The following ALLC variants were observed in gnomAD, a reference collection of about 807,000 sequenced individuals.
The protein encoded by ALLC is probable inactive allantoicase.
ALLC carries 40 observed loss-of-function variants against 45.0 expected under a neutral mutation model. That is an observed-to-expected ratio of 0.89 (90% confidence interval 0.69 to 1.16). The LOEUF (loss-of-function observed/expected upper bound fraction) is 1.16, where lower values mean the gene tolerates loss of function less well. Among genes scored for constraint, ALLC ranks in the 50% most tolerant of loss-of-function variants. The probability of loss-of-function intolerance (pLI) is 0.00; values close to 1 mark genes in which losing one functional copy is unlikely to be tolerated. For synonymous variants in ALLC, 176 were observed against 178.1 expected, an observed-to-expected ratio of 0.99 and a Z score of 0.09; for missense variants, 488 against 493.1, an observed-to-expected ratio of 0.99 and a Z score of 0.10.
chr2:3,683,006 C>CG lies in ALLC; in HGVS notation c.443_444insG (p.Gly149ArgfsTer30), dbSNP rs1667237270. The CG allele has an allele frequency of 6.2e-7, 1 of 1,613,878 alleles. No homozygotes were observed. Among genetic ancestry groups the CG allele is most frequent in the African/African-American group, 1.3e-5 (1 of 74,930 alleles). Reference sequence around the variant, plus strand: ...GAGCTTAAGCCAGGAAACCCTGCTTCCGGCCACAACTATTTTCTTGTCAAT... The same window carrying CG: ...GAGCTTAAGCCAGGAAACCCTGCTTCGCGGCCACAACTATTTTCTTGTCAAT... On this transcript the variant is annotated frameshift_variant, in exon 7 of 12. Coordinates refer to ENST00000252505, the MANE Select transcript of ALLC (RefSeq NM_018436.4). LOFTEE classifies it high-confidence loss of function.
chr2:3,649,508 T>C, the ALLC span, among the ~76,000 whole-genome samples: 1 of 152,258 alleles, frequency 6.6e-6, no homozygotes, highest in Non-Finnish European at 1.5e-5. Context: ...CCCAAAGTGC[T>C]GGGATTACAG....
chr2:3,701,625 C>G lies in ALLC; in HGVS notation c.964C>G (p.Pro322Ala). Residue 322 changes from proline to alanine, a missense_variant, in exon 11 of 12, where the codon CCA becomes GCA. Coordinates refer to ENST00000252505, the MANE Select transcript of ALLC (RefSeq NM_018436.4). ...GGCCCACAAGTGGAAACCACTGCTT[C>G]CAGTGACCAAGGTTCGTGTGGCATG... ...LPAHKWKPLLPVTKLSPNQSH... is the reference protein window; with the variant it reads ...LPAHKWKPLLAVTKLSPNQSH... 6.2e-7 allele frequency: 1 copy of G among 1,611,628 alleles called. No homozygotes were observed.
chr2:3,698,445 A>G (rs770994027), intron 10 of ALLC, among the ~76,000 whole-genome samples: 3 of 152,190 alleles, frequency 2.0e-5, no homozygotes, highest in Admixed American at 6.5e-5. Context: ...AAGGGTCCTA[A>G]GCAGATTGAC....
rs1572538211 is a variant in ALLC, at chr2:3,701,776, A to C, written c.975+140A>C. On this transcript the variant is annotated intron_variant, in intron 11 of 11. Transcript: ENST00000252505. ...AATGAGGTTTAAAACCCCTATCTGCAAACTTTAAGAAGAAAGGCTCTATTT... is the reference window on the plus strand; with the variant it reads ...AATGAGGTTTAAAACCCCTATCTGCCAACTTTAAGAAGAAAGGCTCTATTT... 1.1e-5 allele frequency: 12 copies of C among 1,046,958 alleles called. No homozygotes were observed. In the East Asian group the frequency reaches 3.4e-4, roughly 29 times the overall value. The allele number at this position is 1,046,958 out of a possible 1,614,324, so 64.9% of individuals were successfully genotyped here.
Position 3,678,666 on chromosome 2 carries a change from A to G in ALLC, c.172+111A>G. ...GGTCAGCTTTAACATGGGGCCCTGG[A>G]ATGCTCTGTAATCTTGGATGTCCTT... On this transcript the variant is annotated intron_variant, in intron 4 of 11. Transcript: ENST00000252505. 3 of 785,552 alleles carry G rather than the reference A, an allele frequency of 3.8e-6. 1 individual carries two copies. The South Asian group carries it at 4.8e-5, about 13-fold the overall frequency. 48.7% of individuals were successfully genotyped at this position (785,552 alleles called of 1,614,324 possible). A position where few individuals can be genotyped will look rare whatever the true frequency, so the allele number is the denominator to read the frequency against.
intron 11 of ALLC, 63 bp from the exon 12 acceptor site, chr2:3,702,300 G>A: frequency 1.4e-6 from 2 of 1,466,416 alleles, no homozygotes; most frequent in South Asian, 1.2e-5. Flanking sequence ...CCGGGCCGTG[G>A]GCTCATTCGG....
At chr2:3,653,740 T>C (rs1454325593), upstream of ALLC, among the ~76,000 whole-genome samples, 1 of 152,086 alleles carries the variant, frequency 6.6e-6, no homozygotes, top group East Asian at 1.9e-4. The surrounding 1 kb of genome is among the most constrained non-coding windows in gnomAD (Gnocchi z 4.1). Flanking sequence ...TGGGCCATGA[T>C]GGTGCGTGGC....
chr2:3,661,712 T>C (rs1666581965), intron 1 of ALLC, among the ~76,000 whole-genome samples: 1 of 152,212 alleles, frequency 6.6e-6, no homozygotes, highest in Non-Finnish European at 1.5e-5. Context: ...CTGATAACTC[T>C]TCTTGGTTGT....
rs749326128 is a variant in ALLC, at chr2:3,680,016, C to T, written c.298+22C>T. On this transcript the variant is annotated intron_variant, in intron 5 of 11. Coordinates refer to ENST00000252505, the MANE Select transcript of ALLC (RefSeq NM_018436.4). This position sits in a 1 kb window ranked among gnomAD's most constrained non-coding sequence, Gnocchi z 4.0. ...GAAGGTGCGTTAGGAACCACTGTCC[C>T]CAAAATGAGAATTATGGGTCACATG... 6.2e-7 allele frequency: 1 copy of T among 1,612,880 alleles called. No individual in the cohort carries two copies. Among genetic ancestry groups the T allele is most frequent in the African/African-American group, 1.3e-5 (1 of 74,866 alleles).
chr2:3,680,413 G>A lies in ALLC; in HGVS notation c.298+419G>A, dbSNP rs1433209262. ...GGCTGTCCCAGTGTGTGTGATGGGG[G>A]AGCTGCTATGGCATTTTAGGCAAGG... On this transcript the variant is annotated intron_variant, in intron 5 of 11. Transcript: ENST00000252505. This position sits in a 1 kb window ranked among gnomAD's most constrained non-coding sequence, Gnocchi z 4.0. Among the ~76,000 whole-genome samples, 1 of 152,046 alleles carries A rather than the reference G, an allele frequency of 6.6e-6. No homozygotes were observed. The highest frequency in any genetic ancestry group is 6.5e-5 in the Admixed American group (1 of 15,280).
rs751960993 is a variant in ALLC at position 3,697,420 on chromosome 2, A to G, written c.814A>G (p.Ile272Val). ...TTTCCGATTGGCACATCCTGGAGTAATAACTCGAATTGAAATTGACACAAA... is the reference window on the plus strand; with the variant it reads ...TTTCCGATTGGCACATCCTGGAGTAGTAACTCGAATTGAAATTGACACAAA... ...AVFRLAHPGV[I>V]TRIEIDTKYF... Residue 272 changes from isoleucine (I) to valine (V), a missense_variant, in exon 10 of 12, where the codon ATA becomes GTA. Ile to Val is a conservative substitution (Grantham distance 29, BLOSUM62 3). Transcript: ENST00000252505. The G allele has an allele frequency of 1.2e-6, 2 of 1,613,790 alleles. No individual in the cohort carries two copies. The highest frequency in any genetic ancestry group is 1.7e-6 in the Non-Finnish European group (2 of 1,179,842).
upstream of ALLC, among the ~76,000 whole-genome samples, chr2:3,655,709 C>G (rs763765602): frequency 1.3e-5 from 2 of 152,262 alleles, no homozygotes; most frequent in Non-Finnish European, 2.9e-5. Context: ...ATCCTCCCGT[C>G]TCAGCCTCCC....
At chr2:3,677,921 T>C (rs528608340) in intron 3 of ALLC, among the ~76,000 whole-genome samples, 1 of 152,362 alleles carries the variant, frequency 6.6e-6, no homozygotes, top group East Asian at 1.9e-4. Flanking sequence ...CCTGCGAGGA[T>C]GCGTGTATCC....
At chr2:3,668,919 G>A (rs905357544) in intron 1 of ALLC, among the ~76,000 whole-genome samples, 1 of 152,042 alleles carries the variant, frequency 6.6e-6, no homozygotes, top group African/African-American at 2.4e-5. Flanking sequence ...CATACCCCAG[G>A]TGGGTAAAAA....
the ALLC span, among the ~76,000 whole-genome samples, chr2:3,651,307 GGTGGGT>G: frequency 9.0e-3 from 50 of 5,544 alleles, 1 homozygote; most frequent in East Asian, 0.019. Flanking sequence ...TGGGTGGGTG[GGTGGGT>G]GGGGGGGGTG....
Position 3,696,280 on chromosome 2 carries a change from G to T in ALLC, c.673G>T (p.Gly225Cys), listed in dbSNP as rs200086179. 1.6e-3 allele frequency: 2,554 copies of T among 1,612,836 alleles called. 5 individuals carry two copies. Among genetic ancestry groups the T allele is most frequent in the Admixed American group, 2.1e-3 (128 of 59,844 alleles). Residue 225 changes from glycine (G) to cysteine (C), a missense_variant, in exon 9 of 12, where the codon GGC (glycine) becomes TGC (cysteine). By Grantham distance (159) the Gly-to-Cys change is radical (BLOSUM62 -3). Transcript: ENST00000252505. ...FGHPNNIIGV[G>C]GAKSMADGWE... ...AACAATGTTATTTTCTGTAGGAGTT[G>T]GCGGGGCAAAGTCTATGGCGGATGG... is the stretch of plus-strand genomic sequence containing the variant.
intron 7 of ALLC, among the ~76,000 whole-genome samples, chr2:3,683,317 A>G (rs1309199851): frequency 1.3e-5 from 2 of 152,260 alleles, no homozygotes; most frequent in Non-Finnish European, 2.9e-5. Context: ...ATTAGGTTAG[A>G]TAGATCCTAA....
chr2:3,691,327 A>G (rs1250382873), intron 7 of ALLC, among the ~76,000 whole-genome samples: 3 of 150,750 alleles, frequency 2.0e-5, no homozygotes, highest in African/African-American at 7.3e-5. Flanking sequence ...ATCACAGGTC[A>G]CTGCAGCTTC....
chr2:3,648,429 G>T, the ALLC span, among the ~76,000 whole-genome samples: 1 of 152,272 alleles, frequency 6.6e-6, no homozygotes, highest in African/African-American at 2.4e-5. Flanking sequence ...CTGTGCATGT[G>T]AGGCTGGCTG....
Sources: gnomAD v4.1 joint callset for allele counts (sites outside exome capture counted in the v4.1 genomes callset) on GRCh38, gnomAD v4.1.1 for gene constraint, Gnocchi (gnomAD v3.1) non-coding constraint, MANE v1.5 for transcripts, NCBI Gene and HGNC (gene_info 2026-07-23, HGNC 2026-07-21) for gene names.